The following PAFAH2 variants were observed in gnomAD, a reference collection of about 807,000 sequenced individuals.
PAFAH2 encodes platelet activating factor acetylhydrolase 2.
Under a neutral mutation model 49.0 loss-of-function variants are expected in PAFAH2, and 42 were observed. That is an observed-to-expected ratio of 0.86 (90% confidence interval 0.67 to 1.11). PAFAH2 has a LOEUF of 1.11. PAFAH2 is among the 50% of genes least tolerant of loss of function. PAFAH2 has a pLI of 0.00. For missense variants in PAFAH2, 503 were observed against 501.8 expected (o/e 1.00, Z -0.02); for synonymous variants, 184 against 181.3 (o/e 1.01, Z -0.12).
intron 3 of PAFAH2, 94 bp downstream of exon 3, chr1:25,989,354 A>G (rs2049837636): frequency 1.7e-6 from 2 of 1,166,962 alleles, no homozygotes; most frequent in Admixed American, 2.8e-5. Flanking sequence ...AAGCCTGGAC[A>G]CTGCAGGCTA....
At chr1:25,987,441 A>G (rs2049799265) in intron 4 of PAFAH2, among the ~76,000 whole-genome samples, 1 of 151,864 alleles carries the variant, frequency 6.6e-6, no homozygotes, top group African/African-American at 2.4e-5. Context: ...CTTAAATAAG[A>G]ACACATGGGG....
chr1:25,971,689 C>G (rs182595426), intron 10 of PAFAH2, among the ~76,000 whole-genome samples: 229 of 152,224 alleles, frequency 1.5e-3, no homozygotes, highest in African/African-American at 5.4e-3. Flanking sequence ...AAACAAACTC[C>G]CCTTTTTTTC....
intron 10 of PAFAH2, among the ~76,000 whole-genome samples, chr1:25,962,789 T>A (rs2049358248): frequency 6.8e-6 from 1 of 147,034 alleles, no homozygotes; most frequent in African/African-American, 2.5e-5. Context: ...GCCACTGCAC[T>A]CCAACCTGGG....
chr1:25,986,894 T>C (rs772530061), intron 4 of PAFAH2, among the ~76,000 whole-genome samples: 1 of 152,056 alleles, frequency 6.6e-6, no homozygotes, highest in African/African-American at 2.4e-5. Flanking sequence ...TGAGTACCTA[T>C]TATATGCTGG....
intron 10 of PAFAH2, among the ~76,000 whole-genome samples, chr1:25,971,092 T>G (rs1260149136): frequency 3.3e-5 from 5 of 152,052 alleles, no homozygotes; most frequent in African/African-American, 4.8e-5. Context: ...CTTCTATGGG[T>G]AGCTCTTGAG....
chr1:25,964,892 T>C (rs1216720506), intron 10 of PAFAH2, among the ~76,000 whole-genome samples: 1 of 152,138 alleles, frequency 6.6e-6, no homozygotes, highest in Non-Finnish European at 1.5e-5. Context: ...ACCAACGCCA[T>C]TTTTTACAGA....
At chr1:25,991,581 C>G (rs1446010646) in intron 1 of PAFAH2, among the ~76,000 whole-genome samples, 1 of 147,696 alleles carries the variant, frequency 6.8e-6, no homozygotes, top group Non-Finnish European at 1.5e-5. Context: ...CGCGCCTGGC[C>G]TGAGGTAGGT....
intron 1 of PAFAH2, among the ~76,000 whole-genome samples, chr1:25,991,729 C>G (rs1008851620): frequency 2.4e-4 from 37 of 151,702 alleles, no homozygotes; most frequent in Non-Finnish European, 4.3e-4. Flanking sequence ...CCCGTCTCTA[C>G]TAAAAATACA....
At chr1:25,968,216 G>A (rs1450504023) in intron 10 of PAFAH2, among the ~76,000 whole-genome samples, 1 of 151,846 alleles carries the variant, frequency 6.6e-6, no homozygotes. Context: ...AATCACTGGC[G>A]CAATCATGTT....
rs552162000 is a variant in PAFAH2, at chr1:25,996,726, T to C, written c.-48+1299A>G. Among the ~76,000 whole-genome samples the C allele has an allele frequency of 2.0e-5, 3 of 152,326 alleles. No homozygotes were observed. In the South Asian group the frequency reaches 6.2e-4, roughly 32 times the overall value. ...AAAGCACTCGATGGATAGAAGGTAC[T>C]ATAACCATAGGAGGCAACTATAATT... On this transcript the variant is annotated intron_variant, in intron 1 of 10. Coordinates refer to ENST00000374282, the MANE Select transcript of PAFAH2 (RefSeq NM_000437.4).
intron 5 of PAFAH2, 45 bp from the exon 6 acceptor site, chr1:25,984,132 A>C: frequency 6.2e-7 from 1 of 1,610,230 alleles, no homozygotes; most frequent in Non-Finnish European, 8.5e-7. Context: ...AACATTCTTG[A>C]GTTTATTTTT....
chr1:25,998,054 C>A lies in PAFAH2; in HGVS notation c.-77G>T, dbSNP rs183994500. On this transcript the variant is annotated 5_prime_UTR_variant, in exon 1 of 11. Coordinates refer to ENST00000374282, the MANE Select transcript of PAFAH2 (RefSeq NM_000437.4). ...TCAAGCTGATTCCTCAGAAGCAGCC[C>A]CAGACGTTTAACTCGACGGAAATGA... is the stretch of plus-strand genomic sequence containing the variant. 3.2e-4 allele frequency: 48 copies of A among 152,298 alleles called. No homozygotes were observed. The highest frequency in any genetic ancestry group is 5.7e-4 in the Non-Finnish European group (39 of 68,016). The allele number at this position is 152,298 out of a possible 1,614,324, so 9.4% of individuals were successfully genotyped here.
At chr1:25,982,780 CTGT>C (rs952411512) in intron 6 of PAFAH2, among the ~76,000 whole-genome samples, 1 of 152,186 alleles carries the variant, frequency 6.6e-6, no homozygotes, top group Non-Finnish European at 1.5e-5. Context: ...ATTAAGAGTG[CTGT>C]TATTAGCAAA....
chr1:25,962,169 T>G, intron 10 of PAFAH2, 86 bp from the exon 11 acceptor site: 1 of 1,098,264 alleles, frequency 9.1e-7, no homozygotes, highest in South Asian at 1.4e-5. Flanking sequence ...GGGGTCATCC[T>G]AGAGAGAGGA....
intron 3 of PAFAH2, among the ~76,000 whole-genome samples, chr1:25,988,896 A>G (rs2049830718): frequency 6.6e-6 from 1 of 151,304 alleles, no homozygotes; most frequent in Non-Finnish European, 1.5e-5. Flanking sequence ...AACTGCTGAG[A>G]TGCCAAGGCA....
At chr1:25,996,753 T>G (rs932812233) in intron 1 of PAFAH2, among the ~76,000 whole-genome samples, 3 of 152,240 alleles carry the variant, frequency 2.0e-5, no homozygotes, top group Non-Finnish European at 2.9e-5. Flanking sequence ...ACTATAATTA[T>G]TTTAACTACA....
At chr1:25,962,695 T>A (rs2049356414) in intron 10 of PAFAH2, among the ~76,000 whole-genome samples, 1 of 151,904 alleles carries the variant, frequency 6.6e-6, no homozygotes, top group African/African-American at 2.4e-5. Context: ...TATGGTGGTG[T>A]GTGCCTGAAG....
At chr1:25,981,523 A>C (rs564004212) in intron 7 of PAFAH2, among the ~76,000 whole-genome samples, 135 of 152,274 alleles carry the variant, frequency 8.9e-4, no homozygotes, top group Admixed American at 1.8e-3. Flanking sequence ...TTTGCTGCTC[A>C]GTAGCCTGAA....
At chr1:25,992,371 G>A (rs879836782) in intron 1 of PAFAH2, among the ~76,000 whole-genome samples, 33 of 152,118 alleles carry the variant, frequency 2.2e-4, no homozygotes, top group South Asian at 2.1e-4. Flanking sequence ...GTATGATGTG[G>A]GCAGTAGATC....
Sources: allele counts gnomAD v4.1 joint callset (sites outside exome capture counted in the v4.1 genomes callset), GRCh38; gene constraint gnomAD v4.1.1; transcripts MANE v1.5; gene names NCBI Gene and HGNC (gene_info 2026-07-23, HGNC 2026-07-21).